SOBP: variants seen among roughly 807,000 people sequenced by gnomAD.
SOBP encodes sine oculis binding protein homolog, also known as sine oculis-binding protein homolog.
A neutral mutation model predicts 53.6 loss-of-function variants in SOBP; 4 were observed. The ratio of observed to expected loss-of-function variants is 0.07; its 90% confidence interval spans 0.04 to 0.17. The LOEUF is 0.17. Among genes scored for constraint, SOBP ranks in the 10% least tolerant of loss-of-function variants. The pLI, the probability that SOBP is intolerant of heterozygous loss-of-function variation, is 1.00. For missense variants in SOBP, 1,088 were observed against 1,204.7 expected (o/e 0.90, Z 1.43); for synonymous variants, 584 against 522.6 (o/e 1.12, Z -1.60).
At chr6:107,554,710 G>T (rs900077789) in intron 4 of SOBP, among the ~76,000 whole-genome samples, 2 of 152,188 alleles carry the variant, frequency 1.3e-5, no homozygotes, top group African/African-American at 4.8e-5. Context: ...TCAAGGAAAA[G>T]CAACATTGCC....
chr6:107,495,016 G>A (rs1056858232), intron 1 of SOBP, among the ~76,000 whole-genome samples: 2 of 152,174 alleles, frequency 1.3e-5, no homozygotes, highest in Non-Finnish European at 2.9e-5. Flanking sequence ...GTTTGAAATT[G>A]GCTCATTATT....
Position 107,633,932 on chromosome 6 carries a change from C to T in SOBP, c.1088C>T (p.Pro363Leu), listed in dbSNP as rs1205279153. Reference sequence around the variant, plus strand: ...ATCAGCGAGACTCCAAATATCCCTCCTGTCTCCGTCCAGCCACCTGCTAGC... The same window carrying T: ...ATCAGCGAGACTCCAAATATCCCTCTTGTCTCCGTCCAGCCACCTGCTAGC... ...IPISETPNIP[P>L]VSVQPPASIG... is the part of the protein sequence containing the mutation. Residue 363 changes from proline to leucine, a missense_variant, in exon 6 of 7, where the codon CCT becomes CTT. By Grantham distance (98) the Pro-to-Leu change is moderately conservative. This residue lies in a region of SOBP where 211 missense variants were observed against 258.9 expected (regional missense o/e 0.82). Coordinates refer to ENST00000317357, the MANE Select transcript of SOBP (RefSeq NM_018013.4). 1 of 1,614,242 alleles carries T rather than the reference C, an allele frequency of 6.2e-7. No individual in the cohort carries two copies. Among genetic ancestry groups the T allele is most frequent in the South Asian group, 1.1e-5 (1 of 91,088 alleles).
chr6:107,537,561 C>T (rs773930626), intron 4 of SOBP, among the ~76,000 whole-genome samples: 1 of 152,178 alleles, frequency 6.6e-6, no homozygotes, highest in Non-Finnish European at 1.5e-5. Flanking sequence ...TGGCTCATGC[C>T]TGTAATCCCA....
intron 4 of SOBP, among the ~76,000 whole-genome samples, chr6:107,561,054 A>G (rs1199971939): frequency 1.3e-5 from 2 of 152,180 alleles, no homozygotes; most frequent in African/African-American, 4.8e-5. Flanking sequence ...CCCATCAGGG[A>G]GAGATGCCAA....
chr6:107,509,706 A>G (rs918580312), intron 3 of SOBP: 1 of 152,210 alleles, frequency 6.6e-6, no homozygotes, highest in Non-Finnish European at 1.5e-5. Flanking sequence ...CTCTAATTCC[A>G]CATCAGATCA....
chr6:107,575,800 C>T (rs1785207934), intron 4 of SOBP, among the ~76,000 whole-genome samples: 1 of 152,180 alleles, frequency 6.6e-6, no homozygotes, highest in Non-Finnish European at 1.5e-5. Context: ...CAGAAATGAA[C>T]TTCAACTTGA....
intron 6 of SOBP, among the ~76,000 whole-genome samples, chr6:107,650,197 C>T (rs1771745970): frequency 6.6e-6 from 1 of 152,104 alleles, no homozygotes; most frequent in Non-Finnish European, 1.5e-5. Flanking sequence ...GGAACCTTAG[C>T]TTCTCAGAGC....
chr6:107,569,592 G>T (rs1440688057), intron 4 of SOBP, among the ~76,000 whole-genome samples: 1 of 152,174 alleles, frequency 6.6e-6, no homozygotes, highest in Admixed American at 6.5e-5. Flanking sequence ...TCACAGTCTA[G>T]CTTCTCCTGT....
intron 3 of SOBP, among the ~76,000 whole-genome samples, chr6:107,522,994 C>T (rs562067980): frequency 1.3e-5 from 2 of 152,184 alleles, no homozygotes; most frequent in African/African-American, 2.4e-5. Context: ...AGGTGGGAAA[C>T]GCAGTGAAGG....
intron 4 of SOBP, among the ~76,000 whole-genome samples, chr6:107,560,850 A>G (rs374403322): frequency 2.5e-4 from 38 of 152,240 alleles, no homozygotes; most frequent in East Asian, 2.1e-3. Context: ...CTTGTCTCCT[A>G]TTGACGCAAC....
intron 3 of SOBP, among the ~76,000 whole-genome samples, chr6:107,532,135 G>T (rs982900496): frequency 1.3e-5 from 2 of 151,922 alleles, no homozygotes; most frequent in Non-Finnish European, 2.9e-5. Flanking sequence ...ACGAGTGCTT[G>T]TTGGGGATTT....
In SOBP at chr6:107,660,731, C is replaced by T. The variant is rs1772260443; in HGVS notation, c.*2528C>T. Among the ~76,000 whole-genome samples, 1 of 152,188 alleles carries T rather than the reference C, an allele frequency of 6.6e-6. No homozygotes were observed. Among genetic ancestry groups the T allele is most frequent in the African/African-American group, 2.4e-5 (1 of 41,436 alleles). On this transcript the variant is annotated 3_prime_UTR_variant, in exon 7 of 7. Coordinates refer to ENST00000317357, the MANE Select transcript of SOBP (RefSeq NM_018013.4). ...GTCATTGTAAATCTAGTTCAGTTCT[C>T]TTGTTCTACATATGAAAAAACAGAA...
At chr6:107,627,069 C>T (rs146517680) in intron 5 of SOBP, among the ~76,000 whole-genome samples, 16 of 152,106 alleles carry the variant, frequency 1.1e-4, no homozygotes, top group African/African-American at 1.9e-4. Context: ...TTTTGATGTA[C>T]GATTGAATTT....
At chr6:107,642,795 G>A (rs1017512975) in intron 6 of SOBP, among the ~76,000 whole-genome samples, 1 of 152,160 alleles carries the variant, frequency 6.6e-6, no homozygotes, top group Non-Finnish European at 1.5e-5. Flanking sequence ...GTGACTGATA[G>A]TATTTAAAGA....
At chr6:107,535,637 G>T (rs9386646) in intron 4 of SOBP, among the ~76,000 whole-genome samples, 13,633 of 134,974 alleles carry the variant, frequency 0.1, 878 homozygotes, top group East Asian at 0.28. Context: ...GTGTGTGTGT[G>T]TTTTTTTTTT....
chr6:107,646,779 G>C (rs1024882183), intron 6 of SOBP, among the ~76,000 whole-genome samples: 10 of 152,174 alleles, frequency 6.6e-5, no homozygotes, highest in African/African-American at 2.2e-4. Flanking sequence ...GTGGGCTCCT[G>C]GTGGTGAAGG....
intron 3 of SOBP, chr6:107,510,411 G>A (rs529660321): frequency 1.3e-5 from 2 of 152,234 alleles, no homozygotes; most frequent in Admixed American, 6.5e-5. Context: ...CAGGAAAATA[G>A]TGAGTTTTCA....
intron 6 of SOBP, chr6:107,636,373 A>T (rs41292850): frequency 1.3e-5 from 2 of 152,276 alleles, no homozygotes; most frequent in East Asian, 3.8e-4. Context: ...GGGAACTAAC[A>T]TGTGTGCCTG....
chr6:107,510,765 A>G (rs1431475575), intron 3 of SOBP: 1 of 152,210 alleles, frequency 6.6e-6, no homozygotes, highest in African/African-American at 2.4e-5. Context: ...TTAATGCTGC[A>G]TTCCTGTGGG....
Sources: allele counts gnomAD v4.1 joint callset (sites outside exome capture counted in the v4.1 genomes callset), GRCh38; gene constraint gnomAD v4.1.1; regional missense constraint gnomAD v4.1.1; transcripts MANE v1.5; gene names NCBI Gene and HGNC (gene_info 2026-07-23, HGNC 2026-07-21).